DLG2: variants seen among roughly 807,000 people sequenced by gnomAD.
DLG2 encodes disks large homolog 2.
In DLG2, 45 loss-of-function variants were observed where a neutral mutation model predicts 132.5. The ratio of observed to expected loss-of-function variants is 0.34; its 90% CI spans 0.27 to 0.44. The LOEUF is 0.44. Ranked by LOEUF, DLG2 falls within the 20% of genes least tolerant of loss-of-function variation. DLG2 has a pLI of 1.00. For synonymous variants in DLG2, 424 were observed against 419.6 expected, an observed-to-expected ratio of 1.01 and a Z score of -0.13; for missense variants, 1,045 against 1,196.9, an observed-to-expected ratio of 0.87 and a Z score of 1.87.
intron 7 of DLG2, among the ~76,000 whole-genome samples, chr11:84,306,854 G>A (rs1422188686): frequency 1.3e-5 from 2 of 152,122 alleles, no homozygotes; most frequent in Admixed American, 1.3e-4. Context: ...AGATGTTGGC[G>A]AGCTTGTTGA....
At chr11:85,286,097 T>C in intron 3 of DLG2, 1 of 452,044 alleles carries the variant, frequency 2.2e-6, no homozygotes, top group Non-Finnish European at 4.4e-6. Context: ...AGTACTGACT[T>C]AAGTAACTTT....
chr11:84,945,945 T>A (rs1260339898), intron 6 of DLG2, among the ~76,000 whole-genome samples: 2 of 151,946 alleles, frequency 1.3e-5, no homozygotes, highest in Non-Finnish European at 2.9e-5. Context: ...CACTTTTCCC[T>A]CTTCTCTCCT....
At chr11:85,515,724 C>G (rs2094157006) in intron 3 of DLG2, among the ~76,000 whole-genome samples, 1 of 151,908 alleles carries the variant, frequency 6.6e-6, no homozygotes, top group Non-Finnish European at 1.5e-5. Flanking sequence ...GTTATGATAA[C>G]ATAGCTATCC....
intron 7 of DLG2, among the ~76,000 whole-genome samples, chr11:84,422,385 C>T (rs1356113608): frequency 6.6e-6 from 1 of 152,118 alleles, no homozygotes; most frequent in Non-Finnish European, 1.5e-5. Context: ...ATTGGTCATG[C>T]TCTTTAAAAT....
intron 3 of DLG2, among the ~76,000 whole-genome samples, chr11:85,291,063 T>C (rs2078860994): frequency 6.6e-6 from 1 of 152,158 alleles, no homozygotes; most frequent in African/African-American, 2.4e-5. Flanking sequence ...CTTCAAGCAT[T>C]TGATGAGATT....
intron 10 of DLG2, among the ~76,000 whole-genome samples, chr11:84,096,062 G>A (rs1484787671): frequency 6.6e-6 from 1 of 152,166 alleles, no homozygotes; most frequent in East Asian, 1.9e-4. Context: ...TTTTTAGGCA[G>A]AGACCACATG....
intron 7 of DLG2, among the ~76,000 whole-genome samples, chr11:84,260,110 A>G (rs1017737141): frequency 1.3e-5 from 2 of 152,184 alleles, no homozygotes; most frequent in Non-Finnish European, 2.9e-5. Flanking sequence ...TGAATATCCT[A>G]AAGACCTCAG....
At chr11:84,871,835 C>T (rs937167147) in intron 6 of DLG2, among the ~76,000 whole-genome samples, 16 of 151,934 alleles carry the variant, frequency 1.1e-4, no homozygotes, top group Admixed American at 8.5e-4. Context: ...CGAGCATGTG[C>T]GGCTAATCTT....
intron 18 of DLG2, among the ~76,000 whole-genome samples, chr11:83,747,897 T>C (rs2093032529): frequency 1.3e-5 from 2 of 152,192 alleles, no homozygotes; most frequent in Non-Finnish European, 2.9e-5. Flanking sequence ...TAGAGCTTTC[T>C]ATATACCAGA....
chr11:83,904,544 G>A (rs1014535642), intron 15 of DLG2, among the ~76,000 whole-genome samples: 7 of 152,116 alleles, frequency 4.6e-5, no homozygotes, highest in African/African-American at 1.7e-4. Context: ...TTCTGCACAT[G>A]TTGCTAGCAG....
At chr11:84,013,948 C>T (rs930414357) in intron 11 of DLG2, among the ~76,000 whole-genome samples, 1 of 148,990 alleles carries the variant, frequency 6.7e-6, no homozygotes, top group Non-Finnish European at 1.5e-5. Flanking sequence ...ACTGTCTTGA[C>T]TGGACCTGGA....
At chr11:84,756,545 C>CA (rs2066898258) in intron 6 of DLG2, among the ~76,000 whole-genome samples, 1 of 152,046 alleles carries the variant, frequency 6.6e-6, no homozygotes, top group East Asian at 1.9e-4. Context: ...CTTAAAATTT[C>CA]CAGAAAAATA....
At chr11:85,091,647 C>A (rs1051081014) in intron 6 of DLG2, among the ~76,000 whole-genome samples, 2 of 152,194 alleles carry the variant, frequency 1.3e-5, no homozygotes, top group South Asian at 2.1e-4. Context: ...GTCGTGTCTA[C>A]AATGTTCACA....
chr11:84,136,633 T>G (rs779850967), intron 9 of DLG2, among the ~76,000 whole-genome samples: 3 of 152,292 alleles, frequency 2.0e-5, no homozygotes, highest in South Asian at 2.1e-4. Context: ...AGGACGTGAC[T>G]GGCTAGAACT....
intron 17 of DLG2, among the ~76,000 whole-genome samples, chr11:83,808,190 A>G (rs934108553): frequency 1.6e-4 from 25 of 152,272 alleles, no homozygotes; most frequent in Admixed American, 1.6e-3. Flanking sequence ...CTTTAGGGCA[A>G]GCTTGGTCAG....
chr11:85,517,314 A>G (rs286508), intron 3 of DLG2, among the ~76,000 whole-genome samples: 25,265 of 152,034 alleles, frequency 0.17, 2,333 homozygotes, highest in East Asian at 0.31. Context: ...TGATGAACCT[A>G]TAGCCAATGT....
At chr11:84,426,002 T>C (rs1466251969) in intron 7 of DLG2, among the ~76,000 whole-genome samples, 3 of 152,050 alleles carry the variant, frequency 2.0e-5, no homozygotes, top group Non-Finnish European at 4.4e-5. Context: ...ACTGAAGACA[T>C]GGTAAAGTCA....
At chr11:84,750,081 C>T (rs2065909357) in intron 6 of DLG2, among the ~76,000 whole-genome samples, 1 of 152,212 alleles carries the variant, frequency 6.6e-6, no homozygotes, top group East Asian at 1.9e-4. Context: ...CCGCAAAGAA[C>T]CACTCACTTG....
At chr11:85,499,133 C>T (rs566406879) in intron 3 of DLG2, among the ~76,000 whole-genome samples, 1 of 152,088 alleles carries the variant, frequency 6.6e-6, no homozygotes, top group Non-Finnish European at 1.5e-5. Flanking sequence ...AAACAAAAAA[C>T]CCCTTCCAAA....
Sources: allele counts gnomAD v4.1 joint callset (sites outside exome capture counted in the v4.1 genomes callset), GRCh38; gene constraint gnomAD v4.1.1; transcripts MANE v1.5; gene names NCBI Gene and HGNC (gene_info 2026-07-23, HGNC 2026-07-21).